Variants in ADAMTS19 observed in about 807,000 individuals in gnomAD.
The protein encoded by ADAMTS19 is A disintegrin and metalloproteinase with thrombospondin motifs 19.
In ADAMTS19, 93 loss-of-function variants were observed where a neutral mutation model predicts 153.3. That is an observed-to-expected ratio of 0.61 (90% CI 0.51 to 0.72). ADAMTS19 has a LOEUF of 0.72. ADAMTS19 is among the 30% of genes least tolerant of loss of function. ADAMTS19 has a pLI of 0.00. For synonymous variants in ADAMTS19, 600 were observed against 556.6 expected, an observed-to-expected ratio of 1.08 and a Z score of -1.10; for missense variants, 1,482 against 1,552.1, an observed-to-expected ratio of 0.95 and a Z score of 0.76.
chr5:129,509,890 C>T (rs1323668966), intron 3 of ADAMTS19, among the ~76,000 whole-genome samples: 1 of 151,750 alleles, frequency 6.6e-6, no homozygotes, highest in Non-Finnish European at 1.5e-5. Flanking sequence ...TCTTACTTCC[C>T]TTAGGCAGAG....
chr5:129,648,643 A>G (rs1753175149), intron 12 of ADAMTS19, among the ~76,000 whole-genome samples, 155 bp from the exon 13 acceptor site: 1 of 152,156 alleles, frequency 6.6e-6, no homozygotes, highest in South Asian at 2.1e-4. Context: ...AAATAAATAT[A>G]TGAATTTGCT....
chr5:129,532,072 T>A (rs1291682578), intron 6 of ADAMTS19, among the ~76,000 whole-genome samples: 3 of 151,818 alleles, frequency 2.0e-5, no homozygotes, highest in Non-Finnish European at 4.4e-5. Flanking sequence ...GCAAAAAAAA[T>A]AACATCTTCA....
At chr5:129,491,522 C>T (rs1383312354) in intron 2 of ADAMTS19, among the ~76,000 whole-genome samples, 1 of 152,046 alleles carries the variant, frequency 6.6e-6, no homozygotes, top group East Asian at 1.9e-4. Flanking sequence ...TGTGAATTTC[C>T]TATCATTTAA....
chr5:129,489,319 A>G (rs1750693150), intron 2 of ADAMTS19, among the ~76,000 whole-genome samples: 1 of 152,116 alleles, frequency 6.6e-6, no homozygotes, highest in African/African-American at 2.4e-5. Context: ...TGTTAACAAT[A>G]AGAAAAATAA....
chr5:129,647,224 A>AG (rs1267345142), intron 11 of ADAMTS19, among the ~76,000 whole-genome samples: 1 of 151,432 alleles, frequency 6.6e-6, no homozygotes, highest in Non-Finnish European at 1.5e-5. Flanking sequence ...GAAAAAAAAA[A>AG]AAAAAAAAAA....
At chr5:129,527,509 G>C (rs752407614) in intron 4 of ADAMTS19, among the ~76,000 whole-genome samples, 2 of 150,542 alleles carry the variant, frequency 1.3e-5, no homozygotes, top group African/African-American at 4.9e-5. Flanking sequence ...ATCTCTGAAA[G>C]CATGGGTTTG....
chr5:129,685,367 A>G (rs1317999364), intron 18 of ADAMTS19, among the ~76,000 whole-genome samples: 1 of 152,076 alleles, frequency 6.6e-6, no homozygotes, highest in African/African-American at 2.4e-5. Flanking sequence ...AGCCAACAAC[A>G]TAGCAGGAAA....
chr5:129,466,588 A>C (rs1749870363), intron 2 of ADAMTS19, among the ~76,000 whole-genome samples: 1 of 152,200 alleles, frequency 6.6e-6, no homozygotes, highest in Non-Finnish European at 1.5e-5. Flanking sequence ...GATCAAACCC[A>C]GAAATTATCC....
intron 6 of ADAMTS19, among the ~76,000 whole-genome samples, chr5:129,537,747 A>T (rs1228800420): frequency 6.6e-6 from 1 of 151,770 alleles, no homozygotes; most frequent in Non-Finnish European, 1.5e-5. Flanking sequence ...GGACACAGGA[A>T]GGGGAACATC....
intron 6 of ADAMTS19, among the ~76,000 whole-genome samples, chr5:129,550,594 G>A (rs777146452): frequency 1.3e-5 from 2 of 149,100 alleles, no homozygotes; most frequent in African/African-American, 2.4e-5. Flanking sequence ...ATATATGTAT[G>A]TATTAACTCA....
intron 21 of ADAMTS19, among the ~76,000 whole-genome samples, 153 bp from the exon 22 acceptor site, chr5:129,734,779 A>G (rs1285090221): frequency 2.0e-5 from 3 of 152,036 alleles, no homozygotes; most frequent in South Asian, 2.1e-4. Flanking sequence ...ATGAGCATCA[A>G]TGTTTCTGAC....
intron 2 of ADAMTS19, among the ~76,000 whole-genome samples, chr5:129,501,831 T>C (rs1415853416): frequency 6.6e-6 from 1 of 152,122 alleles, no homozygotes; most frequent in African/African-American, 2.4e-5. Context: ...TTATAAATAG[T>C]TTTAAATAGG....
chr5:129,524,820 G>A (rs571811626), intron 3 of ADAMTS19, among the ~76,000 whole-genome samples: 1 of 151,506 alleles, frequency 6.6e-6, no homozygotes, highest in Non-Finnish European at 1.5e-5. Flanking sequence ...TTGTGCCCAT[G>A]CCCAGGCTCT....
intron 11 of ADAMTS19, among the ~76,000 whole-genome samples, chr5:129,644,545 A>G (rs1429040653): frequency 6.6e-6 from 1 of 152,210 alleles, no homozygotes; most frequent in African/African-American, 2.4e-5. Flanking sequence ...GATTTTGAAC[A>G]AAGAGGTTTA....
At chr5:129,526,601 A>G (rs1752017409) in intron 4 of ADAMTS19, 145 bp downstream of exon 4, 1 of 725,236 alleles carries the variant, frequency 1.4e-6, no homozygotes, top group South Asian at 2.8e-5. Flanking sequence ...ACTTAGGTAT[A>G]TAAAATTGAT....
chr5:129,600,022 G>A lies in ADAMTS19; in HGVS notation c.1478+3358G>A, dbSNP rs543116276. ...GTCATGTTTATAAAAAAACAAACAG[G>A]AAGAAAAGTATCTATATGAATTACA... On this transcript the variant is annotated intron_variant, in intron 8 of 22. Transcript: ENST00000274487. Among the ~76,000 whole-genome samples, 13 of 152,122 alleles carry A rather than the reference G, an allele frequency of 8.5e-5. No individual in the cohort carries two copies. The East Asian group carries it at 2.3e-3, about 27-fold the overall frequency.
intron 14 of ADAMTS19, among the ~76,000 whole-genome samples, chr5:129,655,225 T>C (rs1753493951): frequency 6.6e-6 from 1 of 152,172 alleles, no homozygotes; most frequent in Non-Finnish European, 1.5e-5. Flanking sequence ...GCTGACCCTG[T>C]GGGAAGTGCT....
chr5:129,514,237 C>G (rs1438450003), intron 3 of ADAMTS19, among the ~76,000 whole-genome samples: 9 of 152,088 alleles, frequency 5.9e-5, no homozygotes, highest in Non-Finnish European at 1.0e-4. Context: ...GTAAACGGTG[C>G]TGCAACAAAC....
In ADAMTS19 at chr5:129,632,356, T is replaced by G. The variant is rs564158740; in HGVS notation, c.1771-9503T>G. On this transcript the variant is annotated intron_variant, in intron 10 of 22. Transcript: ENST00000274487. ...CTGTACTATAGTCATGATATATATA[T>G]ATAGATATAGATATAATATAGCATC... 2.5e-3 allele frequency among the ~76,000 whole-genome samples: 382 copies of G among 152,030 alleles called. 1 individual carries two copies. The highest frequency in any genetic ancestry group is 8.7e-3 in the African/African-American group (363 of 41,494).
Sources: gnomAD v4.1 joint callset for allele counts (sites outside exome capture counted in the v4.1 genomes callset) on GRCh38, gnomAD v4.1.1 for gene constraint, MANE v1.5 for transcripts, NCBI Gene and HGNC (gene_info 2026-07-23, HGNC 2026-07-21) for gene names.